The following NME7 variants were observed in gnomAD, a reference collection of about 807,000 sequenced individuals.
NME7 encodes the protein nucleoside diphosphate kinase 7.
NME7 carries 41 observed loss-of-function variants against 49.1 expected under a neutral mutation model. The ratio of observed to expected loss-of-function variants is 0.83; its 90% confidence interval spans 0.65 to 1.08. NME7 has a LOEUF of 1.08. Among genes scored for constraint, NME7 ranks in the 50% least tolerant of loss-of-function variants. NME7 has a pLI of 0.00. For synonymous variants in NME7, 139 were observed against 150.6 expected (o/e 0.92, Z 0.56); for missense variants, 423 against 463.4 (o/e 0.91, Z 0.80).
At chr1:169,298,831 G>T in intron 5 of NME7, 68 bp from the exon 6 acceptor site, 5 of 1,214,924 alleles carry the variant, frequency 4.1e-6, no homozygotes, top group Admixed American at 2.0e-5. Flanking sequence ...TTAACGACAG[G>T]ATATATTTAA....
intron 1 of NME7, among the ~76,000 whole-genome samples, chr1:169,362,233 C>G (rs540451460): frequency 6.6e-6 from 1 of 152,238 alleles, no homozygotes; most frequent in South Asian, 2.1e-4. Context: ...CATAAACAAA[C>G]AAACAACTTT....
At chr1:169,248,156 A>G (rs1648403406) in intron 7 of NME7, among the ~76,000 whole-genome samples, 1 of 151,932 alleles carries the variant, frequency 6.6e-6, no homozygotes, top group Non-Finnish European at 1.5e-5. Flanking sequence ...TTATTTTTTG[A>G]CTTTTTAATA....
At chr1:169,202,771 C>T (rs1483064779) in intron 10 of NME7, among the ~76,000 whole-genome samples, 1 of 152,040 alleles carries the variant, frequency 6.6e-6, no homozygotes, top group Non-Finnish European at 1.5e-5. Flanking sequence ...TGGCCAGAAG[C>T]CAGAAACATG....
At chr1:169,268,126 G>A (rs1262801850) in intron 7 of NME7, among the ~76,000 whole-genome samples, 1 of 133,020 alleles carries the variant, frequency 7.5e-6, no homozygotes, top group East Asian at 2.0e-4. Context: ...CACAGTGGGT[G>A]AAGGACATGA....
Position 169,298,715 on chromosome 1 carries a change from A to T in NME7, c.489T>A (p.Ile163=), listed in dbSNP as rs1313943104. Reference sequence around the variant, plus strand: ...ATTCACATATAGCATCATCTCTTAAAATCTCCATGGCAATAATAGGACCAG... The same window carrying T: ...ATTCACATATAGCATCATCTCTTAATATCTCCATGGCAATAATAGGACCAG... ...ITTGPIIAME[I]LRDDAICEWK... is the part of the protein sequence containing the mutation. Residue 163 remains isoleucine, a synonymous_variant, in exon 6 of 12, where the codon ATT becomes ATA. Transcript: ENST00000367811. 2 of 1,613,664 alleles carry T rather than the reference A, an allele frequency of 1.2e-6. No individual in the cohort carries two copies. Among genetic ancestry groups the T allele is most frequent in the African/African-American group, 2.7e-5 (2 of 74,850 alleles).
At chr1:169,307,010 A>C (rs1651196705) in intron 4 of NME7, among the ~76,000 whole-genome samples, 2 of 152,236 alleles carry the variant, frequency 1.3e-5, no homozygotes, top group South Asian at 4.1e-4. Flanking sequence ...AGGAGACTAT[A>C]AACAAAGTGC....
intron 4 of NME7, among the ~76,000 whole-genome samples, chr1:169,307,445 G>A (rs1376621497): frequency 6.6e-6 from 1 of 152,190 alleles, no homozygotes; most frequent in Non-Finnish European, 1.5e-5. Context: ...AATTAGAAGG[G>A]CTTGCATCTG....
At chr1:169,215,637 T>C (rs746758979) in intron 10 of NME7, among the ~76,000 whole-genome samples, 21 of 152,248 alleles carry the variant, frequency 1.4e-4, no homozygotes, top group Admixed American at 2.6e-4. Flanking sequence ...TAGCATCTTA[T>C]TTGAGCTTTA....
chr1:169,289,184 T>C (rs1571359182), intron 6 of NME7, among the ~76,000 whole-genome samples: 1 of 152,112 alleles, frequency 6.6e-6, no homozygotes, highest in Non-Finnish European at 1.5e-5. Flanking sequence ...CCAACAGTAT[T>C]TGACACAGTT....
intron 1 of NME7, among the ~76,000 whole-genome samples, chr1:169,345,195 T>A (rs1252920843): frequency 1.3e-5 from 2 of 150,694 alleles, no homozygotes; most frequent in African/African-American, 4.9e-5. Flanking sequence ...TCATTCCTGA[T>A]TTTGATAATT....
At chr1:169,193,926 A>C (rs1321213656) in intron 10 of NME7, among the ~76,000 whole-genome samples, 1 of 152,132 alleles carries the variant, frequency 6.6e-6, no homozygotes, top group Non-Finnish European at 1.5e-5. Flanking sequence ...TAGTGAATGC[A>C]GCCAAAGAGC....
In NME7 at chr1:169,253,981, AT is replaced by A. The variant is rs1428591309; in HGVS notation, c.755-16295del. Among the ~76,000 whole-genome samples, 5 of 151,038 alleles carry A rather than the reference AT, an allele frequency of 3.3e-5. No individual in the cohort carries two copies. The South Asian group carries it at 1.1e-3, about 32-fold the overall frequency. ...TCCTTTTGCCAGTATTTTATTGAGG[AT>A]TTTTGCATCAATGTTCATCAACGAT... On this transcript the variant is annotated intron_variant, in intron 7 of 11. Coordinates refer to ENST00000367811, the MANE Select transcript of NME7 (RefSeq NM_013330.5).
In NME7 at chr1:169,150,075, CAGT is replaced by C. The variant is rs530904206; in HGVS notation, c.1099-17261_1099-17259del. 6.2e-4 allele frequency among the ~76,000 whole-genome samples: 95 copies of C among 152,234 alleles called. No individual in the cohort carries two copies. The South Asian group carries it at 0.015, about 24-fold the overall frequency. On this transcript the variant is annotated intron_variant, in intron 11 of 11. Coordinates refer to ENST00000367811, the MANE Select transcript of NME7 (RefSeq NM_013330.5). ...GTAGTCCCAGCTACTTGGAGGCTGA[CAGT>C]GGAGGACTGCCTGAGCACAGGAATT...
intron 7 of NME7, among the ~76,000 whole-genome samples, chr1:169,243,355 C>T (rs1648170941): frequency 6.6e-6 from 1 of 152,138 alleles, no homozygotes; most frequent in African/African-American, 2.4e-5. Flanking sequence ...AGTTACTTCC[C>T]AGAAGGAAGT....
intron 9 of NME7, among the ~76,000 whole-genome samples, chr1:169,234,804 G>A (rs1424709592): frequency 6.6e-6 from 1 of 152,110 alleles, no homozygotes; most frequent in Non-Finnish European, 1.5e-5. Flanking sequence ...AAGGTATACA[G>A]TTTGAAGAAT....
chr1:169,165,510 G>A (rs1279293728), intron 11 of NME7, among the ~76,000 whole-genome samples: 3 of 152,104 alleles, frequency 2.0e-5, no homozygotes, highest in Non-Finnish European at 4.4e-5. Flanking sequence ...GACAGTTCTG[G>A]TTTATGCCTC....
Position 169,189,349 on chromosome 1 carries a change from C to T in NME7, c.991-19795G>A, listed in dbSNP as rs759462017. ...TTAATAATCACAAAATCATTATTTT[C>T]GCACAATTTCAATTTGCTATTTAAA... is the stretch of plus-strand genomic sequence containing the variant. On this transcript the variant is annotated intron_variant, in intron 10 of 11. Transcript: ENST00000367811. 1.5e-3 allele frequency among the ~76,000 whole-genome samples: 223 copies of T among 152,188 alleles called. No homozygotes were observed. The Middle Eastern group carries it at 0.017, about 12-fold the overall frequency.
intron 10 of NME7, among the ~76,000 whole-genome samples, chr1:169,229,235 T>C (rs946255008): frequency 6.6e-6 from 1 of 152,260 alleles, no homozygotes; most frequent in Non-Finnish European, 1.5e-5. Flanking sequence ...TAAGAAAATG[T>C]ATTTCCTTGT....
chr1:169,202,047 C>T (rs1660564700), intron 10 of NME7, among the ~76,000 whole-genome samples: 1 of 152,126 alleles, frequency 6.6e-6, no homozygotes, highest in Admixed American at 6.5e-5. Flanking sequence ...ATAATCATCA[C>T]CATCATCACC....
Sources: allele counts gnomAD v4.1 joint callset (sites outside exome capture counted in the v4.1 genomes callset), GRCh38; gene constraint gnomAD v4.1.1; transcripts MANE v1.5; gene names NCBI Gene and HGNC (gene_info 2026-07-23, HGNC 2026-07-21).